ZNF106: variants seen among roughly 807,000 people sequenced by gnomAD.
The protein encoded by ZNF106 is SH3-domain binding protein 3.
A neutral mutation model predicts 195.1 loss-of-function variants in ZNF106; 67 were observed. That is an observed-to-expected ratio of 0.34 (90% confidence interval 0.28 to 0.42). The LOEUF is 0.42. ZNF106 is among the 10% of genes least tolerant of loss of function. ZNF106 has a pLI of 1.00. For missense variants in ZNF106, 2,118 were observed against 2,304.5 expected, an observed-to-expected ratio of 0.92 and a Z score of 1.66; for synonymous variants, 784 against 818.6, an observed-to-expected ratio of 0.96 and a Z score of 0.72.
intron 4 of ZNF106, among the ~76,000 whole-genome samples, chr15:42,455,492 C>T (rs1438298873): frequency 1.3e-5 from 2 of 152,140 alleles, no homozygotes; most frequent in Non-Finnish European, 2.9e-5. Context: ...GATGCTCACC[C>T]TTTACTGATA....
At chr15:42,471,818 C>T (rs1374083112) in intron 2 of ZNF106, among the ~76,000 whole-genome samples, 1 of 152,204 alleles carries the variant, frequency 6.6e-6, no homozygotes, top group East Asian at 1.9e-4. Flanking sequence ...CTGCATTTTT[C>T]ACAAGCATAG....
In ZNF106 at chr15:42,435,502, C is replaced by T. The variant is rs2055241221; in HGVS notation, c.4763G>A (p.Gly1588Asp). The T allele has an allele frequency of 6.2e-7, 1 of 1,614,142 alleles. No individual in the cohort carries two copies. The highest frequency in any genetic ancestry group is 1.3e-5 in the African/African-American group (1 of 75,012). The stretch of plus-strand genomic sequence containing the variant: ...TTTGGAGGTATGACCCTCAAAGACA[C>T]CAATACATTTCCGACTCTAAAGTTT... ...VYNLVSRKCI[G>D]VFEGHTSKVN... Residue 1588 changes from glycine (G) to aspartate (D), a missense_variant, in exon 14 of 22, where the codon GGT becomes GAT. Gly to Asp is a moderately conservative substitution (Grantham distance 94). Coordinates refer to ENST00000564754, the MANE Select transcript of ZNF106 (RefSeq NM_001366845.3).
At chr15:42,479,860 A>T (rs546103739) in intron 1 of ZNF106, among the ~76,000 whole-genome samples, 1 of 152,136 alleles carries the variant, frequency 6.6e-6, no homozygotes, top group East Asian at 1.9e-4. Flanking sequence ...AATAAATAAA[A>T]ATAAATAAAG....
In ZNF106 at chr15:42,450,357, A is replaced by C. The variant is rs1020769370; in HGVS notation, c.1915T>G (p.Ser639Ala). 3 of 1,614,072 alleles carry C rather than the reference A, an allele frequency of 1.9e-6. No individual in the cohort carries two copies. Among genetic ancestry groups the C allele is most frequent in the East Asian group, 2.2e-5 (1 of 44,890 alleles). ...TLGSATTELLSGSTRTADEKE... is the reference protein window; with the variant it reads ...TLGSATTELLAGSTRTADEKE... ...TCATCAGCAGTTCGAGTGCTGCCAG[A>C]TAACAATTCTGTAGTTGCAGAACCT... The change falls in exon 5 of 22, where the codon TCT becomes GCT. Residue 639 changes from serine to alanine, a missense_variant. Transcript: ENST00000564754.
chr15:42,476,025 T>A (rs878908163), intron 1 of ZNF106, among the ~76,000 whole-genome samples: 4 of 152,154 alleles, frequency 2.6e-5, no homozygotes, highest in African/African-American at 9.7e-5. Context: ...AATAAAGCCA[T>A]ACAATATAAT....
At chr15:42,485,507 C>G (rs1371326472) in intron 1 of ZNF106, among the ~76,000 whole-genome samples, 1 of 152,186 alleles carries the variant, frequency 6.6e-6, no homozygotes, top group Non-Finnish European at 1.5e-5. Flanking sequence ...TCTCCAGTTT[C>G]CTCCCACACC....
Position 42,421,815 on chromosome 15 carries a change from A to G in ZNF106, c.5445+102T>C. 2.3e-6 allele frequency: 2 copies of G among 886,774 alleles called. 1 individual carries two copies. The highest frequency in any genetic ancestry group is 4.2e-5 in the South Asian group (2 of 47,130). 54.9% of individuals were successfully genotyped at this position (886,774 alleles called of 1,614,324 possible). A position where few individuals can be genotyped will look rare whatever the true frequency, so the allele number is the denominator to read the frequency against. ...ATGCCAAGAGATGGGAAGGTACTTA[A>G]CAATGAGGCATATCAGAAGCAGATG... On this transcript the variant is annotated intron_variant, in intron 19 of 21. Transcript: ENST00000564754.
At chr15:42,445,430 TA>T (rs143002249) in intron 7 of ZNF106, among the ~76,000 whole-genome samples, 72 of 152,360 alleles carry the variant, frequency 4.7e-4, no homozygotes, top group African/African-American at 1.6e-3. Flanking sequence ...TTGTTTTTAT[TA>T]GAGAAGACTT....
chr15:42,442,693 T>C (rs2055600383), intron 9 of ZNF106, among the ~76,000 whole-genome samples: 1 of 150,368 alleles, frequency 6.7e-6, no homozygotes, highest in South Asian at 2.1e-4. Context: ...CACTGCTCAC[T>C]GCAGCCTTGA....
At chr15:42,449,650 A>C (rs868543798) in intron 5 of ZNF106, 121 bp downstream of exon 5, 23 of 1,329,170 alleles carry the variant, frequency 1.7e-5, no homozygotes, top group Non-Finnish European at 2.4e-5. Context: ...CAAGACATCT[A>C]CAACAGATAT....
intron 14 of ZNF106, among the ~76,000 whole-genome samples, chr15:42,430,161 C>T (rs1200260328): frequency 6.6e-6 from 1 of 152,040 alleles, no homozygotes; most frequent in African/African-American, 2.4e-5. Flanking sequence ...ATCTTTTTCA[C>T]TAGTGTACGG....
intron 10 of ZNF106, 189 bp downstream of exon 10, chr15:42,441,884 G>C (rs1425766656): frequency 2.3e-6 from 1 of 441,636 alleles, no homozygotes; most frequent in Non-Finnish European, 3.9e-6. Context: ...GAAAATGACT[G>C]ATATTTAAAT....
intron 2 of ZNF106, among the ~76,000 whole-genome samples, chr15:42,466,704 T>A (rs2056524838): frequency 6.6e-6 from 1 of 152,232 alleles, no homozygotes. Context: ...GCTTAATCAA[T>A]CCTTTATCTT....
intron 2 of ZNF106, among the ~76,000 whole-genome samples, chr15:42,469,518 G>A (rs550524784): frequency 6.6e-6 from 1 of 152,074 alleles, no homozygotes; most frequent in Admixed American, 6.6e-5. Context: ...TACAAACATT[G>A]AGACAACTGA....
Position 42,417,373 on chromosome 15 carries a change from G to A in ZNF106, c.5665-13C>T, listed in dbSNP as rs750709718. The A allele has an allele frequency of 6.2e-7, 1 of 1,613,714 alleles. No individual in the cohort carries two copies. Among genetic ancestry groups the A allele is most frequent in the Non-Finnish European group, 8.5e-7 (1 of 1,179,800 alleles). On this transcript the variant is annotated splice_polypyrimidine_tract_variant and intron_variant, in intron 21 of 21. Coordinates refer to ENST00000564754, the MANE Select transcript of ZNF106 (RefSeq NM_001366845.3). ...GTCCTGCAGCATCCTAGGAATGAAGGGAAAAGGGCCCATGAGAGAGAAGTC... is the reference window on the plus strand; with the variant it reads ...GTCCTGCAGCATCCTAGGAATGAAGAGAAAAGGGCCCATGAGAGAGAAGTC...
chr15:42,478,091 C>CA (rs373575234), intron 1 of ZNF106, among the ~76,000 whole-genome samples: 2,625 of 122,644 alleles, frequency 0.021, 114 homozygotes, highest in Admixed American at 0.12. Context: ...AACTACGTCT[C>CA]AAAAAAAAAG....
chr15:42,467,546 C>T (rs1454984104), intron 2 of ZNF106, among the ~76,000 whole-genome samples: 2 of 151,706 alleles, frequency 1.3e-5, no homozygotes, highest in African/African-American at 4.8e-5. Context: ...AATCCCAGCA[C>T]TTTGGGAGGC....
Position 42,422,007 on chromosome 15 carries a change from A to AG in ZNF106, c.5374-20_5374-19insC. 6.4e-7 allele frequency: 1 copy of AG among 1,565,364 alleles called. No individual in the cohort carries two copies. Among genetic ancestry groups the AG allele is most frequent in the Non-Finnish European group, 8.6e-7 (1 of 1,156,204 alleles). On this transcript the variant is annotated intron_variant, in intron 18 of 21. Transcript: ENST00000564754. Reference sequence around the variant, plus strand: ...CATGAGACTTAGGCAGAAAAAAAAAAAGAGAATTGAAGTTATTTATACCTT... The same window carrying AG: ...CATGAGACTTAGGCAGAAAAAAAAAAGAGAGAATTGAAGTTATTTATACCTT...
chr15:42,485,975 T>C (rs79584084), intron 1 of ZNF106, among the ~76,000 whole-genome samples: 2 of 151,460 alleles, frequency 1.3e-5, no homozygotes, highest in Non-Finnish European at 2.9e-5. Context: ...TTTTTTTTTT[T>C]TGAGACGGAG....
Sources: gnomAD v4.1 joint callset for allele counts (sites outside exome capture counted in the v4.1 genomes callset) on GRCh38, gnomAD v4.1.1 for gene constraint, MANE v1.5 for transcripts, NCBI Gene and HGNC (gene_info 2026-07-23, HGNC 2026-07-21) for gene names.